NDUFAF2: variants seen among roughly 807,000 people sequenced by gnomAD.
The protein encoded by NDUFAF2 is NADH:ubiquinone oxidoreductase complex assembly factor 2.
A neutral mutation model predicts 22.8 loss-of-function variants in NDUFAF2; 13 were observed. That is an observed-to-expected ratio of 0.57 (90% CI 0.37 to 0.91). NDUFAF2 has a LOEUF of 0.91. NDUFAF2 is among the 40% of genes least tolerant of loss of function. NDUFAF2 has a pLI of 0.01. For synonymous variants in NDUFAF2, 53 were observed against 64.2 expected, an observed-to-expected ratio of 0.83 and a Z score of 0.84; for missense variants, 162 against 195.2, an observed-to-expected ratio of 0.83 and a Z score of 1.01.
chr5:60,958,254 G>A (rs2112566093), intron 1 of NDUFAF2, among the ~76,000 whole-genome samples: 1 of 152,090 alleles, frequency 6.6e-6, no homozygotes, highest in East Asian at 1.9e-4. Flanking sequence ...ACCTTTTAAT[G>A]GTACCTTTGT....
intron 1 of NDUFAF2, among the ~76,000 whole-genome samples, chr5:60,949,675 C>T (rs1031069130): frequency 2.6e-5 from 4 of 152,126 alleles, no homozygotes; most frequent in Non-Finnish European, 4.4e-5. Flanking sequence ...AATTGGATAA[C>T]GTAGCATTTA....
At chr5:61,031,137 A>G (rs962403170) in intron 1 of NDUFAF2, among the ~76,000 whole-genome samples, 2 of 152,088 alleles carry the variant, frequency 1.3e-5, no homozygotes, top group African/African-American at 4.8e-5. Context: ...CTTTACTCTT[A>G]GCAGCCATCA....
chr5:61,116,241 T>G (rs1752911009), intron 3 of NDUFAF2: 1 of 152,148 alleles, frequency 6.6e-6, no homozygotes, highest in Non-Finnish European at 1.5e-5. Context: ...CAGCTAGATT[T>G]ACCTAGGAAC....
intron 1 of NDUFAF2, among the ~76,000 whole-genome samples, chr5:60,957,102 A>G (rs577009425): frequency 2.0e-5 from 3 of 152,228 alleles, no homozygotes; most frequent in Non-Finnish European, 4.4e-5. Context: ...TAAGAATATT[A>G]GTTGGATTTT....
intron 1 of NDUFAF2, among the ~76,000 whole-genome samples, chr5:61,021,111 C>T (rs1173284392): frequency 6.7e-6 from 1 of 149,660 alleles, no homozygotes; most frequent in Admixed American, 6.7e-5. Flanking sequence ...GTATTAGTTT[C>T]CTATTGCTGC....
chr5:61,110,658 T>G (rs572644794), intron 3 of NDUFAF2, among the ~76,000 whole-genome samples: 4 of 152,208 alleles, frequency 2.6e-5, no homozygotes, highest in African/African-American at 9.6e-5. Flanking sequence ...TCTGTGTTAT[T>G]GTAATGTCTC....
chr5:60,987,937 A>G (rs1190998461), intron 1 of NDUFAF2, among the ~76,000 whole-genome samples: 2 of 152,174 alleles, frequency 1.3e-5, no homozygotes, highest in African/African-American at 4.8e-5. Context: ...CAATCAGGCA[A>G]GAAAAAGAAA....
intron 1 of NDUFAF2, among the ~76,000 whole-genome samples, chr5:61,059,780 G>T (rs1752141658): frequency 1.3e-5 from 2 of 151,928 alleles, no homozygotes; most frequent in South Asian, 4.1e-4. Context: ...TTCTATAATT[G>T]CTTTAAAAAT....
chr5:60,978,919 A>G (rs1031241429), intron 1 of NDUFAF2, among the ~76,000 whole-genome samples: 2 of 152,134 alleles, frequency 1.3e-5, no homozygotes, highest in African/African-American at 4.8e-5. Flanking sequence ...CTGCTTGAAG[A>G]AAGGAGAAGG....
At chr5:60,968,273 T>C (rs1453197569) in intron 1 of NDUFAF2, among the ~76,000 whole-genome samples, 1 of 151,882 alleles carries the variant, frequency 6.6e-6, no homozygotes, top group Admixed American at 6.6e-5. Context: ...AAAAATCTTT[T>C]AGAAAACCAA....
intron 1 of NDUFAF2, among the ~76,000 whole-genome samples, chr5:60,975,209 A>T (rs1165545662): frequency 6.6e-6 from 1 of 151,944 alleles, no homozygotes; most frequent in Non-Finnish European, 1.5e-5. Context: ...TGTATAATTT[A>T]TTTTTTTAAG....
chr5:60,988,369 G>A (rs535334678), intron 1 of NDUFAF2, among the ~76,000 whole-genome samples: 3 of 152,198 alleles, frequency 2.0e-5, no homozygotes, highest in Non-Finnish European at 4.4e-5. Flanking sequence ...CACAATTTGC[G>A]ATTCAGTGTG....
At chr5:60,972,240 C>A (rs1244115862) in intron 1 of NDUFAF2, among the ~76,000 whole-genome samples, 1 of 151,434 alleles carries the variant, frequency 6.6e-6, no homozygotes, top group Non-Finnish European at 1.5e-5. Flanking sequence ...TGTGCCTGGC[C>A]CATTTTTTTT....
At chr5:61,041,190 T>C (rs1297221015) in intron 1 of NDUFAF2, among the ~76,000 whole-genome samples, 2 of 152,148 alleles carry the variant, frequency 1.3e-5, no homozygotes, top group Non-Finnish European at 2.9e-5. Context: ...TTTTTAAACT[T>C]TAAAGGATTG....
intron 2 of NDUFAF2, among the ~76,000 whole-genome samples, chr5:61,092,402 T>A (rs1368994618): frequency 6.6e-6 from 1 of 152,124 alleles, no homozygotes; most frequent in African/African-American, 2.4e-5. Context: ...GGGCAGTGGT[T>A]TGTAGTTCTC....
At chr5:61,030,549 T>A (rs1751710017) in intron 1 of NDUFAF2, among the ~76,000 whole-genome samples, 1 of 152,148 alleles carries the variant, frequency 6.6e-6, no homozygotes, top group Non-Finnish European at 1.5e-5. Context: ...CTCTTTAATT[T>A]AGGTCTTTTA....
chr5:61,071,063 A>C (rs73759470), intron 1 of NDUFAF2, among the ~76,000 whole-genome samples: 4,990 of 152,288 alleles, frequency 0.033, 302 homozygotes, highest in African/African-American at 0.11. Flanking sequence ...ATTTATAGTA[A>C]CTTGTTATGA....
intron 1 of NDUFAF2, among the ~76,000 whole-genome samples, chr5:60,947,220 C>T (rs371809309): frequency 1.7e-4 from 26 of 152,156 alleles, no homozygotes; most frequent in African/African-American, 5.6e-4. Flanking sequence ...GTGGCTGTAC[C>T]ATTTTGTATT....
chr5:61,089,581 A>T (rs907634156), intron 2 of NDUFAF2, among the ~76,000 whole-genome samples: 1 of 152,124 alleles, frequency 6.6e-6, no homozygotes, highest in African/African-American at 2.4e-5. Flanking sequence ...GGCATCACTC[A>T]TCATCCCAAC....
Sources: gnomAD v4.1 joint callset for allele counts (sites outside exome capture counted in the v4.1 genomes callset) on GRCh38, gnomAD v4.1.1 for gene constraint, MANE v1.5 for transcripts, NCBI Gene and HGNC (gene_info 2026-07-23, HGNC 2026-07-21) for gene names.